Variants in BPIFC observed in about 807,000 individuals in gnomAD.
BPIFC encodes BPI fold-containing family C protein.
Under a neutral mutation model 57.6 loss-of-function variants are expected in BPIFC, and 60 were observed. That is an observed-to-expected ratio of 1.04 (90% CI 0.85 to 1.29). The LOEUF (loss-of-function observed/expected upper bound fraction) is 1.29. BPIFC is among the 50% of genes most tolerant of loss of function. The probability of loss-of-function intolerance (pLI) is 0.00; values close to 1 mark genes in which losing one functional copy is unlikely to be tolerated. For synonymous variants in BPIFC, 243 were observed against 224.5 expected (o/e 1.08, Z -0.74); for missense variants, 581 against 600.5 (o/e 0.97, Z 0.34).
chr22:32,448,015 G>A (rs966381960), intron 4 of BPIFC, among the ~76,000 whole-genome samples: 1 of 151,358 alleles, frequency 6.6e-6, no homozygotes, highest in Non-Finnish European at 1.5e-5. Context: ...CAGTTCCAGT[G>A]TTTCACGAAA....
In BPIFC at chr22:32,457,139, C is replaced by T. The variant is rs1935053968; in HGVS notation, c.124+124G>A. The T allele has an allele frequency of 3.4e-6, 4 of 1,169,174 alleles. No homozygotes were observed. In the African/African-American group the frequency reaches 4.8e-5, roughly 14 times the overall value. 72.4% of individuals were successfully genotyped at this position (1,169,174 alleles called of 1,614,324 possible). ...ATCTTAGCAGTTTCTGCATAAGGTA[C>T]TGGATCACCCCACAGTACGGCGTTT... is the stretch of plus-strand genomic sequence containing the variant. On this transcript the variant is annotated intron_variant, in intron 3 of 16. Coordinates refer to ENST00000300399, the MANE Select transcript of BPIFC (RefSeq NM_174932.3).
intron 10 of BPIFC, among the ~76,000 whole-genome samples, chr22:32,435,414 G>A (rs1189429717): frequency 6.6e-6 from 1 of 152,128 alleles, no homozygotes; most frequent in Non-Finnish European, 1.5e-5. Context: ...TTAGATTTTG[G>A]ATTTTCAGAT....
intron 1 of BPIFC, among the ~76,000 whole-genome samples, chr22:32,461,884 C>G (rs1313107479): frequency 6.6e-6 from 1 of 151,914 alleles, no homozygotes; most frequent in Non-Finnish European, 1.5e-5. Context: ...TTTAAAAGAG[C>G]AAAAATAGGC....
intron 9 of BPIFC, among the ~76,000 whole-genome samples, chr22:32,436,306 A>C (rs976637297): frequency 1.3e-5 from 2 of 150,804 alleles, no homozygotes; most frequent in Non-Finnish European, 1.5e-5. Context: ...GTCCAAAAGA[A>C]GAAGAGGAAG....
At chr22:32,426,712 C>T (rs951630909) in intron 13 of BPIFC, among the ~76,000 whole-genome samples, 4 of 151,576 alleles carry the variant, frequency 2.6e-5, no homozygotes, top group Non-Finnish European at 4.4e-5. Context: ...GCCAACATGG[C>T]GAAACCCCGT....
chr22:32,433,092 A>G (rs541934039), intron 11 of BPIFC, among the ~76,000 whole-genome samples: 2 of 152,284 alleles, frequency 1.3e-5, no homozygotes, highest in East Asian at 1.9e-4. Flanking sequence ...AGTCCCAGCT[A>G]CTTGGGAGGC....
intron 13 of BPIFC, among the ~76,000 whole-genome samples, chr22:32,426,951 C>T (rs575410548): frequency 8.3e-4 from 126 of 152,096 alleles, no homozygotes; most frequent in Non-Finnish European, 1.4e-3. Context: ...AGAGGCTCTG[C>T]ATTTTCATTT....
rs1934947996 is a variant in BPIFC, at chr22:32,453,390, A to C, written c.238T>G (p.Phe80Val). ...FLKVDYVNYN[F>V]SNIKISAFSF... Reference sequence around the variant, plus strand: ...GCTCTTCTTTTTACTTACTTTGAAAAATTGTAGTTTACATAATCAACTTTT... The same window carrying C: ...GCTCTTCTTTTTACTTACTTTGAAACATTGTAGTTTACATAATCAACTTTT... The change falls in exon 4 of 17, where the codon TTT (phenylalanine) becomes GTT (valine). Residue 80 changes from phenylalanine (F) to valine (V), a missense_variant. Physicochemically the swap from Phe to Val is conservative, Grantham distance 50 (BLOSUM62 -1). Coordinates refer to ENST00000300399, the MANE Select transcript of BPIFC (RefSeq NM_174932.3). The C allele has an allele frequency of 1.3e-6, 2 of 1,583,898 alleles. No homozygotes were observed. The highest frequency in any genetic ancestry group is 4.5e-5 in the East Asian group (2 of 44,410).
chr22:32,424,676 T>C (rs1187960485), intron 13 of BPIFC, among the ~76,000 whole-genome samples: 36 of 91,418 alleles, frequency 3.9e-4, no homozygotes, highest in Admixed American at 6.9e-4. Flanking sequence ...TTCTTCTTCT[T>C]CTTCTTCTTC....
chr22:32,430,139 C>G (rs956533022), intron 13 of BPIFC, among the ~76,000 whole-genome samples: 1 of 152,184 alleles, frequency 6.6e-6, no homozygotes, highest in Non-Finnish European at 1.5e-5. Flanking sequence ...ATGCATTTGA[C>G]AGTCAGACAG....
chr22:32,435,687 C>T lies in BPIFC; in HGVS notation c.924+17G>A. On this transcript the variant is annotated intron_variant, in intron 10 of 16. Coordinates refer to ENST00000300399, the MANE Select transcript of BPIFC (RefSeq NM_174932.3). Reference sequence around the variant, plus strand: ...GAATGATGGTGACCATTGACATCCTCAGTTAACTCTCCTCACCTCTTCGGT... The same window carrying T: ...GAATGATGGTGACCATTGACATCCTTAGTTAACTCTCCTCACCTCTTCGGT... 1 of 1,607,156 alleles carries T rather than the reference C, an allele frequency of 6.2e-7. No individual in the cohort carries two copies. The highest frequency in any genetic ancestry group is 1.1e-5 in the South Asian group (1 of 89,846).
In BPIFC at chr22:32,414,098, A is replaced by G. The variant is rs1255959873; in HGVS notation, c.*205T>C. On this transcript the variant is annotated 3_prime_UTR_variant, in exon 17 of 17. Coordinates refer to ENST00000300399, the MANE Select transcript of BPIFC (RefSeq NM_174932.3). ...AAACACAGACACACGCAGCATGCATACACTCACATTCAGACACCTCTATTT... is the reference window on the plus strand; with the variant it reads ...AAACACAGACACACGCAGCATGCATGCACTCACATTCAGACACCTCTATTT... 13 of 463,444 alleles carry G rather than the reference A, an allele frequency of 2.8e-5. No individual in the cohort carries two copies. The highest frequency in any genetic ancestry group is 4.9e-5 in the Non-Finnish European group (13 of 267,398). The allele number at this position is 463,444 out of a possible 1,614,324, so 28.7% of individuals were successfully genotyped here.
intron 13 of BPIFC, among the ~76,000 whole-genome samples, chr22:32,424,654 T>TCC (rs1569447976): frequency 2.4e-4 from 15 of 61,338 alleles, no homozygotes; most frequent in East Asian, 2.1e-3. Context: ...CTTCTTCTTC[T>TCC]TCTTCTTCTT....
intron 1 of BPIFC, among the ~76,000 whole-genome samples, chr22:32,463,948 G>A (rs1267859700): frequency 1.3e-5 from 2 of 152,140 alleles, no homozygotes; most frequent in African/African-American, 4.8e-5. Flanking sequence ...TTTAAGACCT[G>A]CCTTGAAAGC....
chr22:32,455,380 C>A lies in BPIFC; in HGVS notation c.125-1877G>T, dbSNP rs563754448. ...TTAAAAAAATATCTTGCAGATATTACTAATAACAGACACATCAGATCTCTT... is the reference window on the plus strand; with the variant it reads ...TTAAAAAAATATCTTGCAGATATTAATAATAACAGACACATCAGATCTCTT... On this transcript the variant is annotated intron_variant, in intron 3 of 16. Coordinates refer to ENST00000300399, the MANE Select transcript of BPIFC (RefSeq NM_174932.3). Among the ~76,000 whole-genome samples the A allele has an allele frequency of 1.4e-3, 212 of 152,230 alleles. 1 individual carries two copies. Among genetic ancestry groups the A allele is most frequent in the Non-Finnish European group, 2.3e-3 (159 of 68,016 alleles).
intron 3 of BPIFC, among the ~76,000 whole-genome samples, chr22:32,455,051 ATTTTTTTTTT>A (rs58029060): frequency 7.6e-6 from 1 of 130,738 alleles, no homozygotes; most frequent in Admixed American, 8.1e-5. Flanking sequence ...TTTCATCTCC[ATTTTTTTTTT>A]TTTTTTTTGA....
chr22:32,455,051 A>T (rs5754095), intron 3 of BPIFC, among the ~76,000 whole-genome samples: 38,913 of 130,272 alleles, frequency 0.3, 5,971 homozygotes, highest in East Asian at 0.57. Flanking sequence ...TTTCATCTCC[A>T]TTTTTTTTTT....
At chr22:32,423,987 G>A (rs944499856) in intron 13 of BPIFC, among the ~76,000 whole-genome samples, 3 of 130,020 alleles carry the variant, frequency 2.3e-5, no homozygotes, top group African/African-American at 7.5e-5. Flanking sequence ...TGTCTCTTGG[G>A]ATCAGTTTCT....
intron 8 of BPIFC, among the ~76,000 whole-genome samples, chr22:32,438,279 C>A (rs562287786): frequency 6.6e-6 from 1 of 152,316 alleles, no homozygotes; most frequent in South Asian, 2.1e-4. Flanking sequence ...CCACGGTTGA[C>A]CACGGATAAC....
Sources: gnomAD v4.1 joint callset for allele counts (sites outside exome capture counted in the v4.1 genomes callset) on GRCh38, gnomAD v4.1.1 for gene constraint, MANE v1.5 for transcripts, NCBI Gene and HGNC (gene_info 2026-07-23, HGNC 2026-07-21) for gene names.